RANBP2: variants seen among roughly 807,000 people sequenced by gnomAD.
RANBP2 encodes the protein E3 SUMO-protein ligase RanBP2.
A neutral mutation model predicts 303.6 loss-of-function variants in RANBP2; 57 were observed. The ratio of observed to expected loss-of-function variants is 0.19; its 90% CI spans 0.15 to 0.23. The LOEUF is 0.23. RANBP2 is among the 10% of genes least tolerant of loss of function. The pLI, the probability that RANBP2 is intolerant of heterozygous loss-of-function variation, is 1.00. For synonymous variants in RANBP2, 1,167 were observed against 1,301.5 expected (o/e 0.90, Z 2.23); for missense variants, 3,138 against 3,780.8 (o/e 0.83, Z 4.46).
At chr2:108,750,610 C>CA (rs1370185240) in intron 9 of RANBP2, among the ~76,000 whole-genome samples, 28 of 83,804 alleles carry the variant, frequency 3.3e-4, no homozygotes, top group Non-Finnish European at 5.4e-4. Flanking sequence ...TTCTTTGAGA[C>CA]AGAGTCTCGC....
At chr2:109,303,344 G>A in the RANBP2 span, among the ~76,000 whole-genome samples, 2 of 152,336 alleles carry the variant, frequency 1.3e-5, no homozygotes, top group East Asian at 3.9e-4. Flanking sequence ...GACAAGGTGT[G>A]CGTTCAGTTG....
chr2:109,733,381 C>T, the RANBP2 span, among the ~76,000 whole-genome samples: 1 of 152,176 alleles, frequency 6.6e-6, no homozygotes, highest in Admixed American at 6.5e-5. Context: ...AACACCCTTT[C>T]ATAATAAATA....
chr2:109,493,079 A>G, the RANBP2 span, among the ~76,000 whole-genome samples: 2 of 150,858 alleles, frequency 1.3e-5, no homozygotes, highest in African/African-American at 4.9e-5. Context: ...CCACACATAC[A>G]CCATACATAC....
the RANBP2 span, among the ~76,000 whole-genome samples, chr2:108,870,311 C>T: frequency 2.6e-5 from 4 of 151,782 alleles, no homozygotes; most frequent in Admixed American, 2.0e-4. Flanking sequence ...TGATCAAGTC[C>T]GAGGAACAAA....
chr2:109,013,036 A>G, the RANBP2 span, among the ~76,000 whole-genome samples: 2 of 152,218 alleles, frequency 1.3e-5, no homozygotes, highest in Non-Finnish European at 2.9e-5. Flanking sequence ...CTCCATGCTC[A>G]CCACAGGTGA....
chr2:108,913,029 A>C, the RANBP2 span, among the ~76,000 whole-genome samples: 1 of 151,242 alleles, frequency 6.6e-6, no homozygotes, highest in African/African-American at 2.4e-5. Flanking sequence ...GCTCACTGCA[A>C]GCTCTGCCTC....
At chr2:109,277,737 C>T in the RANBP2 span, among the ~76,000 whole-genome samples, 2 of 152,178 alleles carry the variant, frequency 1.3e-5, no homozygotes, top group South Asian at 2.1e-4. Flanking sequence ...TTACCACAAG[C>T]GTGGCTGTGG....
At chr2:109,283,094 G>A in the RANBP2 span, among the ~76,000 whole-genome samples, 1 of 152,250 alleles carries the variant, frequency 6.6e-6, no homozygotes, top group Non-Finnish European at 1.5e-5. Flanking sequence ...ATGGGCAGCA[G>A]CGGTGATGAT....
the RANBP2 span, among the ~76,000 whole-genome samples, chr2:109,244,339 G>A: frequency 6.6e-6 from 1 of 152,168 alleles, no homozygotes; most frequent in African/African-American, 2.4e-5. Context: ...TGAGAAAAGT[G>A]ACACAGAGCA....
At chr2:109,304,872 A>G in the RANBP2 span, among the ~76,000 whole-genome samples, 10 of 152,186 alleles carry the variant, frequency 6.6e-5, no homozygotes, top group Non-Finnish European at 1.3e-4. Flanking sequence ...GAGCCACCTT[A>G]GAAGACATGG....
intron 8 of RANBP2, among the ~76,000 whole-genome samples, chr2:108,748,368 C>T (rs760119884): frequency 4.1e-4 from 57 of 140,518 alleles, no homozygotes; most frequent in Non-Finnish European, 5.7e-4. Flanking sequence ...CCACCAGGGC[C>T]GGCTAATTTT....
the RANBP2 span, among the ~76,000 whole-genome samples, chr2:109,166,350 G>T: frequency 6.6e-6 from 1 of 151,918 alleles, no homozygotes; most frequent in Non-Finnish European, 1.5e-5. Flanking sequence ...GGTGGTGTGT[G>T]CCTGTAGTCC....
chr2:109,054,178 G>C, the RANBP2 span, among the ~76,000 whole-genome samples: 47 of 152,104 alleles, frequency 3.1e-4, no homozygotes, highest in Non-Finnish European at 6.2e-4. Flanking sequence ...GGGTTGCCAG[G>C]GTAAAAACCC....
At chr2:109,161,363 G>A in the RANBP2 span, among the ~76,000 whole-genome samples, 1 of 152,022 alleles carries the variant, frequency 6.6e-6, no homozygotes, top group African/African-American at 2.4e-5. Flanking sequence ...CTACCAGCTG[G>A]GTGACTCCAG....
chr2:109,436,052 A>C, the RANBP2 span, among the ~76,000 whole-genome samples: 4 of 152,010 alleles, frequency 2.6e-5, no homozygotes, highest in African/African-American at 9.7e-5. Context: ...AGCCACAGGG[A>C]GATGGCTGGA....
the RANBP2 span, among the ~76,000 whole-genome samples, chr2:109,250,927 A>G: frequency 6.6e-6 from 1 of 152,128 alleles, no homozygotes; most frequent in Non-Finnish European, 1.5e-5. Flanking sequence ...TATCTTTTTA[A>G]ATTTCTAAAT....
chr2:108,793,706 C>A, the RANBP2 span, among the ~76,000 whole-genome samples: 1 of 151,884 alleles, frequency 6.6e-6, no homozygotes, highest in African/African-American at 2.4e-5. Context: ...ACGCCACTCT[C>A]CTGCCTCAGC....
the RANBP2 span, among the ~76,000 whole-genome samples, chr2:109,441,886 A>T: frequency 0.048 from 7,300 of 152,282 alleles, 532 homozygotes; most frequent in African/African-American, 0.15. Context: ...TGACAGAATA[A>T]CCAAAAAACA....
At chr2:108,845,330 A>G in the RANBP2 span, among the ~76,000 whole-genome samples, 2 of 152,168 alleles carry the variant, frequency 1.3e-5, no homozygotes, top group Admixed American at 6.5e-5. Context: ...AAACCTCAAT[A>G]GATTTGTTTT....
Sources: allele counts gnomAD v4.1 joint callset (sites outside exome capture counted in the v4.1 genomes callset), GRCh38; gene constraint gnomAD v4.1.1; transcripts MANE v1.5; gene names NCBI Gene and HGNC (gene_info 2026-07-23, HGNC 2026-07-21).